The following TMPRSS15 variants were observed in gnomAD, a reference collection of about 807,000 sequenced individuals.
TMPRSS15 encodes the protein enteropeptidase.
In TMPRSS15, 128 loss-of-function variants were observed where a neutral mutation model predicts 125.3. That is an observed-to-expected ratio of 1.02 (90% CI 0.89 to 1.18). The LOEUF (loss-of-function observed/expected upper bound fraction) is 1.18. TMPRSS15 is among the 50% of genes most tolerant of loss of function. TMPRSS15 has a pLI of 0.00. For missense variants in TMPRSS15, 1,283 were observed against 1,212.7 expected, an observed-to-expected ratio of 1.06 and a Z score of -0.86; for synonymous variants, 446 against 423.2, an observed-to-expected ratio of 1.05 and a Z score of -0.66.
chr21:18,332,000 T>C, intron 14 of TMPRSS15, 84 bp downstream of exon 14: 1 of 1,239,818 alleles, frequency 8.1e-7, no homozygotes, highest in Non-Finnish European at 1.2e-6. Context: ...TTGACAAATT[T>C]ATAATCTACT....
At chr21:18,475,508 C>T (rs937718415) in intron 1 of TMPRSS15, among the ~76,000 whole-genome samples, 5 of 152,140 alleles carry the variant, frequency 3.3e-5, no homozygotes, top group Admixed American at 6.6e-5. Flanking sequence ...GGGAGGATCA[C>T]TTGAACCCAG....
At chr21:18,295,966 C>A (rs1184623414) in intron 19 of TMPRSS15, among the ~76,000 whole-genome samples, 1 of 152,156 alleles carries the variant, frequency 6.6e-6, no homozygotes, top group African/African-American at 2.4e-5. Context: ...TCCTGGCTAA[C>A]ACGGTGAAAC....
At chr21:18,391,695 G>A (rs2075991924) in intron 3 of TMPRSS15, among the ~76,000 whole-genome samples, 1 of 152,198 alleles carries the variant, frequency 6.6e-6, no homozygotes, top group Admixed American at 6.5e-5. Context: ...GACGGTGGCT[G>A]TCTTCTCCAG....
chr21:18,309,995 T>C (rs1568998535), intron 18 of TMPRSS15, among the ~76,000 whole-genome samples: 1 of 152,040 alleles, frequency 6.6e-6, no homozygotes, highest in Admixed American at 6.6e-5. Flanking sequence ...CTTTTGAGAA[T>C]ATAACAGGAA....
intron 10 of TMPRSS15, among the ~76,000 whole-genome samples, chr21:18,347,207 T>C (rs1380022956): frequency 1.3e-5 from 2 of 152,058 alleles, no homozygotes; most frequent in Non-Finnish European, 2.9e-5. Context: ...ACTTTGTACT[T>C]CTCTGATGTC....
At chr21:18,383,837 T>C (rs2075917096) in intron 3 of TMPRSS15, 59 bp from the exon 4 acceptor site, 4 of 1,566,912 alleles carry the variant, frequency 2.6e-6, no homozygotes, top group Non-Finnish European at 3.5e-6. Flanking sequence ...TGATTTGTGT[T>C]CAATTCATGT....
At chr21:18,433,738 A>G (rs73198327) in intron 1 of TMPRSS15, among the ~76,000 whole-genome samples, 8,767 of 151,126 alleles carry the variant, frequency 0.058, 366 homozygotes, top group Non-Finnish European at 0.081. Context: ...GATTTTGGTA[A>G]GGGCCGAGTA....
chr21:18,437,912 G>C (rs1417028734), intron 1 of TMPRSS15, among the ~76,000 whole-genome samples: 3 of 151,840 alleles, frequency 2.0e-5, no homozygotes, highest in Non-Finnish European at 4.4e-5. Flanking sequence ...ATGGAAGTCA[G>C]TGTGGCGATT....
At chr21:18,381,619 A>C (rs1320141158) in intron 4 of TMPRSS15, among the ~76,000 whole-genome samples, 1 of 152,156 alleles carries the variant, frequency 6.6e-6, no homozygotes, top group South Asian at 2.1e-4. Flanking sequence ...TTGTGATACT[A>C]ATTCTAAATT....
At chr21:18,299,561 C>T (rs1370582122) in intron 18 of TMPRSS15, among the ~76,000 whole-genome samples, 1 of 152,178 alleles carries the variant, frequency 6.6e-6, no homozygotes, top group Non-Finnish European at 1.5e-5. Context: ...ATCACTGCTG[C>T]CAGAGTAAAG....
chr21:18,390,573 A>G (rs1276128638), intron 3 of TMPRSS15, among the ~76,000 whole-genome samples: 1 of 152,182 alleles, frequency 6.6e-6, no homozygotes, highest in Non-Finnish European at 1.5e-5. Flanking sequence ...AAGGAGATAG[A>G]CAAATCAACA....
chr21:18,469,391 G>A (rs923765599), intron 1 of TMPRSS15, among the ~76,000 whole-genome samples: 1 of 151,820 alleles, frequency 6.6e-6, no homozygotes, highest in African/African-American at 2.4e-5. Context: ...TGGCCTTCAG[G>A]CAACATTTTT....
chr21:18,469,066 G>T (rs1014362650), intron 1 of TMPRSS15, among the ~76,000 whole-genome samples: 1 of 152,156 alleles, frequency 6.6e-6, no homozygotes, highest in Non-Finnish European at 1.5e-5. Flanking sequence ...GCAGCTGGCT[G>T]TTGAAAGCCT....
At chr21:18,413,211 CCCTT>C (rs1382404520) in intron 1 of TMPRSS15, among the ~76,000 whole-genome samples, 5 of 147,518 alleles carry the variant, frequency 3.4e-5, no homozygotes, top group Admixed American at 6.8e-5. Flanking sequence ...CTCCCTCCCT[CCCTT>C]CCTCTTCCTT....
chr21:18,276,723 A>G (rs2074625348), intron 23 of TMPRSS15, among the ~76,000 whole-genome samples: 1 of 150,116 alleles, frequency 6.7e-6, no homozygotes, highest in Admixed American at 6.7e-5. Context: ...ATCAATTAGT[A>G]TAATATACTC....
intron 16 of TMPRSS15, among the ~76,000 whole-genome samples, chr21:18,324,348 T>G (rs934109452): frequency 6.6e-6 from 1 of 152,308 alleles, no homozygotes; most frequent in East Asian, 1.9e-4. Flanking sequence ...CCTGCAGCAA[T>G]TTTTGTGGAA....
At chr21:18,473,237 G>T (rs1328632054) in intron 1 of TMPRSS15, among the ~76,000 whole-genome samples, 2 of 152,132 alleles carry the variant, frequency 1.3e-5, no homozygotes. Context: ...AGACAAGGGA[G>T]GTCATTGGCC....
Position 18,341,598 on chromosome 21 carries a change from T to C in TMPRSS15, c.1429-50A>G, listed in dbSNP as rs189301007. On this transcript the variant is annotated intron_variant, in intron 12 of 24. Coordinates refer to ENST00000284885, the MANE Select transcript of TMPRSS15 (RefSeq NM_002772.3). Reference sequence around the variant, plus strand: ...ACGATTTGATTCCATTCTAATCTTCTCTGACTTGATTCTTCTTGTGAGCCC... The same window carrying C: ...ACGATTTGATTCCATTCTAATCTTCCCTGACTTGATTCTTCTTGTGAGCCC... 38 of 1,600,592 alleles carry C rather than the reference T, an allele frequency of 2.4e-5. No homozygotes were observed. The Admixed American group carries it at 4.7e-4, about 20-fold the overall frequency.
chr21:18,374,467 G>A (rs1374928764), intron 5 of TMPRSS15, among the ~76,000 whole-genome samples: 1 of 107,860 alleles, frequency 9.3e-6, no homozygotes, highest in African/African-American at 3.7e-5. Flanking sequence ...GCGACAGAGC[G>A]AGACTCCGTC....
Sources: allele counts gnomAD v4.1 joint callset (sites outside exome capture counted in the v4.1 genomes callset), GRCh38; gene constraint gnomAD v4.1.1; transcripts MANE v1.5; gene names NCBI Gene and HGNC (gene_info 2026-07-23, HGNC 2026-07-21).